SLC2A9: variants seen among roughly 807,000 people sequenced by gnomAD.
SLC2A9 encodes solute carrier family 2, facilitated glucose transporter member 9.
In SLC2A9, 39 loss-of-function variants were observed where a neutral mutation model predicts 50.6. The ratio of observed to expected loss-of-function variants is 0.77; its 90% CI spans 0.60 to 1.01. The LOEUF (loss-of-function observed/expected upper bound fraction) is 1.01. SLC2A9 is among the 50% of genes least tolerant of loss of function. The probability of loss-of-function intolerance (pLI) is 0.00; values close to 1 mark genes in which losing one functional copy is unlikely to be tolerated. For missense variants in SLC2A9, 686 were observed against 677.6 expected (o/e 1.01, Z -0.14); for synonymous variants, 324 against 276.9 (o/e 1.17, Z -1.69).
intron 5 of SLC2A9, among the ~76,000 whole-genome samples, chr4:9,943,800 A>G (rs948855167): frequency 6.6e-6 from 1 of 152,164 alleles, no homozygotes; most frequent in Non-Finnish European, 1.5e-5. Flanking sequence ...GGGTAAAAAC[A>G]GAATCTGAGA....
chr4:9,794,715 G>A (rs1720373329), downstream of SLC2A9, among the ~76,000 whole-genome samples: 1 of 152,238 alleles, frequency 6.6e-6, no homozygotes, highest in Non-Finnish European at 1.5e-5. Context: ...CCCTGTGCTA[G>A]TGACCCAGAG....
At chr4:9,949,754 T>A (rs1487146771) in intron 5 of SLC2A9, among the ~76,000 whole-genome samples, 1 of 152,202 alleles carries the variant, frequency 6.6e-6, no homozygotes, top group African/African-American at 2.4e-5. Flanking sequence ...CACTCCTCTA[T>A]GGCAGGTCCT....
chr4:10,027,323 T>A (rs1560509138), intron 1 of SLC2A9, among the ~76,000 whole-genome samples: 1 of 152,172 alleles, frequency 6.6e-6, no homozygotes, highest in Non-Finnish European at 1.5e-5. Flanking sequence ...ATGGTTAATT[T>A]TTCCCTATGT....
chr4:9,990,522 A>G (rs1223785249), intron 3 of SLC2A9, among the ~76,000 whole-genome samples: 1 of 152,126 alleles, frequency 6.6e-6, no homozygotes, highest in Non-Finnish European at 1.5e-5. Flanking sequence ...AGCTCAGAGA[A>G]GGCCAATATT....
intron 2 of SLC2A9, 48 bp downstream of exon 2, chr4:10,018,927 T>C: frequency 8.5e-6 from 13 of 1,535,880 alleles, no homozygotes; most frequent in Non-Finnish European, 1.1e-5. Flanking sequence ...CACCCGAAGG[T>C]TTCCGCAGGG....
At chr4:9,942,174 G>T in intron 5 of SLC2A9, 129 bp from the exon 6 acceptor site, 1 of 1,159,314 alleles carries the variant, frequency 8.6e-7, no homozygotes, top group Non-Finnish European at 1.3e-6. Flanking sequence ...AGGAACAAAG[G>T]CTGAGGGAAG....
intron 3 of SLC2A9, among the ~76,000 whole-genome samples, chr4:9,805,786 G>A (rs2108960381): frequency 6.6e-6 from 1 of 150,772 alleles, no homozygotes; most frequent in African/African-American, 2.4e-5. Context: ...TGGATGAATA[G>A]TAATGGCAAT....
At chr4:9,838,216 G>A (rs1114200) in intron 10 of SLC2A9, among the ~76,000 whole-genome samples, 3 of 152,146 alleles carry the variant, frequency 2.0e-5, no homozygotes, top group African/African-American at 7.2e-5. Context: ...TGGTGATGAA[G>A]AAGATGATGA....
chr4:9,807,278 C>A (rs984972648), intron 3 of SLC2A9, among the ~76,000 whole-genome samples: 2 of 152,214 alleles, frequency 1.3e-5, no homozygotes, highest in African/African-American at 4.8e-5. Flanking sequence ...TGTGTCACAT[C>A]TCCCATGCCC....
chr4:9,794,500 C>T (rs1355188012), downstream of SLC2A9, among the ~76,000 whole-genome samples: 4 of 152,198 alleles, frequency 2.6e-5, no homozygotes, highest in Non-Finnish European at 1.5e-5. Context: ...TTCATTCTCA[C>T]CATACAGCTA....
chr4:9,984,808 T>A (rs938068213), intron 4 of SLC2A9, among the ~76,000 whole-genome samples: 3 of 152,062 alleles, frequency 2.0e-5, no homozygotes, highest in Non-Finnish European at 2.9e-5. Context: ...CCCCTCATAC[T>A]CCATTACTGG....
Position 9,826,501 on chromosome 4 carries a change from A to C in SLC2A9, c.1519T>G (p.Tyr507Asp). Residue 507 changes from tyrosine to aspartate, a missense_variant, in exon 12 of 12, where the codon TAT becomes GAT. Coordinates refer to ENST00000264784, the MANE Select transcript of SLC2A9 (RefSeq NM_020041.3). ...GAAAATGCCTGGCTGATTTCTGCAT[A>C]GGTTCTGTTTTTGGTCTCAGGCAGC... Reference protein sequence around the residue: ...FVLPETKNRTYAEISQAFSKR... With the variant: ...FVLPETKNRTDAEISQAFSKR... 6.2e-7 allele frequency: 1 copy of C among 1,614,100 alleles called. No homozygotes were observed. The highest frequency in any genetic ancestry group is 8.5e-7 in the Non-Finnish European group (1 of 1,179,978).
upstream of SLC2A9, among the ~76,000 whole-genome samples, chr4:10,025,232 A>C (rs1379589640): frequency 6.6e-6 from 1 of 152,208 alleles, no homozygotes; most frequent in Admixed American, 6.5e-5. Flanking sequence ...CAGATAATCC[A>C]AGGTTTAAGA....
At chr4:9,824,185 G>C (rs1432629179), downstream of SLC2A9, among the ~76,000 whole-genome samples, 8 of 152,040 alleles carry the variant, frequency 5.3e-5, no homozygotes, top group African/African-American at 1.9e-4. Flanking sequence ...AGACCCCAGT[G>C]AACAAACTTA....
intron 5 of SLC2A9, among the ~76,000 whole-genome samples, chr4:9,958,247 T>A (rs1050912430): frequency 6.6e-6 from 1 of 152,228 alleles, no homozygotes; most frequent in African/African-American, 2.4e-5. Flanking sequence ...TTTGTCTTCA[T>A]TGCATGTTTT....
intron 1 of SLC2A9, among the ~76,000 whole-genome samples, chr4:9,772,741 T>C (rs868360776): frequency 2.6e-5 from 4 of 152,236 alleles, no homozygotes; most frequent in African/African-American, 9.6e-5. Flanking sequence ...TACAGGGACT[T>C]GCACTTTTGT....
At chr4:9,774,773 C>CT (rs1717319903) in intron 1 of SLC2A9, among the ~76,000 whole-genome samples, 1 of 151,884 alleles carries the variant, frequency 6.6e-6, no homozygotes, top group African/African-American at 2.4e-5. Flanking sequence ...CTCCGTTCTT[C>CT]TTTTTCCTTC....
At chr4:9,986,834 T>TG (rs1756804163) in intron 3 of SLC2A9, among the ~76,000 whole-genome samples, 1 of 152,200 alleles carries the variant, frequency 6.6e-6, no homozygotes, top group Admixed American at 6.5e-5. Flanking sequence ...TTCAAATACC[T>TG]GACTTGTTTG....
At chr4:9,870,891 T>C (rs1293692390) in intron 10 of SLC2A9, among the ~76,000 whole-genome samples, 1 of 152,266 alleles carries the variant, frequency 6.6e-6, no homozygotes, top group African/African-American at 2.4e-5. Flanking sequence ...GCCAAGTATC[T>C]AGCGCTGACC....
Sources: gnomAD v4.1 joint callset for allele counts (sites outside exome capture counted in the v4.1 genomes callset) on GRCh38, gnomAD v4.1.1 for gene constraint, MANE v1.5 for transcripts, NCBI Gene and HGNC (gene_info 2026-07-23, HGNC 2026-07-21) for gene names.